The following KCNT2 variants were observed in gnomAD, a reference collection of about 807,000 sequenced individuals.
KCNT2 encodes potassium channel subfamily T member 2.
In KCNT2, 67 loss-of-function variants were observed where a neutral mutation model predicts 153.8. The ratio of observed to expected loss-of-function variants is 0.44; its 90% CI spans 0.36 to 0.53. The LOEUF (loss-of-function observed/expected upper bound fraction) is 0.53, where lower values mean the gene tolerates loss of function less well. Ranked by LOEUF, KCNT2 falls within the 20% of genes least tolerant of loss-of-function variation. The probability of loss-of-function intolerance (pLI) is 0.00; values close to 1 mark genes in which losing one functional copy is unlikely to be tolerated. For missense variants in KCNT2, 975 were observed against 1,354.8 expected (o/e 0.72, Z 4.40); for synonymous variants, 500 against 458.8 (o/e 1.09, Z -1.15).
chr1:196,281,078 T>G (rs1659046973), intron 24 of KCNT2, 90 bp from the exon 25 acceptor site: 2 of 1,026,544 alleles, frequency 1.9e-6, no homozygotes, highest in Non-Finnish European at 1.4e-6. Flanking sequence ...CTTATTTTTG[T>G]GGGGGGCAGG....
At chr1:196,595,500 G>C (rs143679203) in intron 1 of KCNT2, among the ~76,000 whole-genome samples, 5 of 151,676 alleles carry the variant, frequency 3.3e-5, no homozygotes, top group Non-Finnish European at 7.4e-5. Context: ...GGACCCCTGG[G>C]GATACTAAAA....
intron 11 of KCNT2, among the ~76,000 whole-genome samples, chr1:196,424,672 G>GT (rs886992662): frequency 1.3e-3 from 192 of 147,458 alleles, no homozygotes; most frequent in African/African-American, 4.1e-3. Flanking sequence ...TTCTCGTGCT[G>GT]TTTTTTTTTC....
intron 3 of KCNT2, among the ~76,000 whole-genome samples, chr1:196,486,050 T>C (rs1679394688): frequency 6.6e-6 from 1 of 151,888 alleles, no homozygotes. Context: ...AGCAGATGCA[T>C]CATCATCAAG....
chr1:196,465,317 G>T lies in KCNT2; in HGVS notation c.614C>A (p.Thr205Lys). The change falls in exon 8 of 28, where the codon ACA becomes AAA. Residue 205 changes from threonine (T) to lysine (K), a missense_variant. This residue lies in a region of KCNT2 where 202 missense variants were observed against 314.9 expected (regional missense o/e 0.64). Coordinates refer to ENST00000294725, the MANE Select transcript of KCNT2 (RefSeq NM_198503.5). ...MFNQVLILIS[T>K]LLCLIFTCIC... ...CCAGGTGAAGATAAGGCATAGTAATGTAGATATTAAAATCAAAACTTGATT... is the reference window on the plus strand; with the variant it reads ...CCAGGTGAAGATAAGGCATAGTAATTTAGATATTAAAATCAAAACTTGATT... The T allele has an allele frequency of 6.3e-7, 1 of 1,587,348 alleles. No individual in the cohort carries two copies. The highest frequency in any genetic ancestry group is 8.6e-7 in the Non-Finnish European group (1 of 1,156,386).
At chr1:196,551,946 T>C (rs1323407706) in intron 1 of KCNT2, among the ~76,000 whole-genome samples, 1 of 151,520 alleles carries the variant, frequency 6.6e-6, no homozygotes, top group Admixed American at 6.6e-5. Flanking sequence ...GTGAGATTTA[T>C]TGTAAGGAGT....
chr1:196,547,510 T>C (rs1657267193), intron 1 of KCNT2, among the ~76,000 whole-genome samples: 1 of 152,048 alleles, frequency 6.6e-6, no homozygotes, highest in Admixed American at 6.6e-5. Flanking sequence ...TAAAGAAACA[T>C]TTACTTCAAG....
chr1:196,280,896 G>C lies in KCNT2; in HGVS notation c.2874C>G (p.Ile958Met), dbSNP rs1214879833. The C allele has an allele frequency of 1.2e-6, 2 of 1,611,302 alleles. No individual in the cohort carries two copies. Among genetic ancestry groups the C allele is most frequent in the Non-Finnish European group, 8.5e-7 (1 of 1,177,636 alleles). Residue 958 changes from isoleucine to methionine, a missense_variant, in exon 25 of 28, where the codon ATC becomes ATG. Physicochemically the swap from Ile to Met is conservative, Grantham distance 10 (BLOSUM62 1). Coordinates refer to ENST00000294725, the MANE Select transcript of KCNT2 (RefSeq NM_198503.5). ...TAAGTTTCTGAGACTCAGTCCTGTA[G>C]ATTCCAATGGGAACATCTCCAGTAG... ...CSSTGDVPIG[I>M]YRTESQKLTT...
At chr1:196,252,317 C>T (rs1272733047) in intron 26 of KCNT2, among the ~76,000 whole-genome samples, 2 of 151,652 alleles carry the variant, frequency 1.3e-5, no homozygotes, top group Non-Finnish European at 3.0e-5. Flanking sequence ...ATAACTGTTG[C>T]ATCTACTAAA....
chr1:196,563,580 T>TGTA (rs1659711141), intron 1 of KCNT2, among the ~76,000 whole-genome samples: 1 of 151,210 alleles, frequency 6.6e-6, no homozygotes, highest in Non-Finnish European at 1.5e-5. Flanking sequence ...GAAAAGAAAA[T>TGTA]TTTAGCATAA....
chr1:196,421,913 G>T (rs2335902), intron 12 of KCNT2, among the ~76,000 whole-genome samples: 1 of 152,008 alleles, frequency 6.6e-6, no homozygotes, highest in Admixed American at 6.6e-5. Context: ...CCCTGTATAC[G>T]TGTCTGCCTC....
At chr1:196,483,220 T>G (rs1279125277) in intron 3 of KCNT2, among the ~76,000 whole-genome samples, 2 of 152,216 alleles carry the variant, frequency 1.3e-5, no homozygotes, top group Non-Finnish European at 2.9e-5. Flanking sequence ...AGATACTTTC[T>G]TCTCCTGCAT....
At chr1:196,537,689 G>A (rs1464908129) in intron 1 of KCNT2, among the ~76,000 whole-genome samples, 1 of 152,136 alleles carries the variant, frequency 6.6e-6, no homozygotes, top group Non-Finnish European at 1.5e-5. Context: ...GTCCTTCCCC[G>A]ACTTGGGCAT....
chr1:196,426,374 A>G (rs1673656175), intron 10 of KCNT2, among the ~76,000 whole-genome samples: 1 of 152,078 alleles, frequency 6.6e-6, no homozygotes, highest in Non-Finnish European at 1.5e-5. Context: ...ATACTTCATT[A>G]CTTTTAGGAT....
intron 27 of KCNT2, among the ~76,000 whole-genome samples, chr1:196,229,776 A>C (rs1405459716): frequency 6.6e-6 from 1 of 152,098 alleles, no homozygotes; most frequent in East Asian, 1.9e-4. Flanking sequence ...GTGGTCTGGA[A>C]AAAAGATCAA....
At chr1:196,518,768 C>A (rs553432308) in intron 1 of KCNT2, among the ~76,000 whole-genome samples, 2 of 152,246 alleles carry the variant, frequency 1.3e-5, no homozygotes, top group East Asian at 3.9e-4. Context: ...ACAGGAGCAA[C>A]CAGGTTTATA....
intron 23 of KCNT2, 28 bp from the exon 24 acceptor site, chr1:196,282,384 T>C (rs1558097705): frequency 8.6e-7 from 1 of 1,156,536 alleles, no homozygotes; most frequent in South Asian, 1.3e-5. Context: ...AAACAATATA[T>C]AAATGTATAT....
At chr1:196,488,106 T>A (rs1425947755) in intron 3 of KCNT2, among the ~76,000 whole-genome samples, 1 of 152,018 alleles carries the variant, frequency 6.6e-6, no homozygotes, top group Non-Finnish European at 1.5e-5. Flanking sequence ...AAAATTCTTT[T>A]CATATTATTC....
chr1:196,587,025 T>C (rs953828941), intron 1 of KCNT2, among the ~76,000 whole-genome samples: 1 of 152,118 alleles, frequency 6.6e-6, no homozygotes, highest in Admixed American at 6.5e-5. Context: ...TCTGCTGTGA[T>C]GATTCTACTT....
At chr1:196,507,959 T>A (rs1240876556) in intron 1 of KCNT2, among the ~76,000 whole-genome samples, 1 of 150,066 alleles carries the variant, frequency 6.7e-6, no homozygotes, top group African/African-American at 2.4e-5. Flanking sequence ...GAATAAAGAG[T>A]AGAGGTTTTC....
Sources: allele counts gnomAD v4.1 joint callset (sites outside exome capture counted in the v4.1 genomes callset), GRCh38; gene constraint gnomAD v4.1.1; regional missense constraint gnomAD v4.1.1; transcripts MANE v1.5; gene names NCBI Gene and HGNC (gene_info 2026-07-23, HGNC 2026-07-21).